POLQ: variants seen among roughly 807,000 people sequenced by gnomAD.
POLQ encodes the protein epididymis secretory sperm binding protein.
Under a neutral mutation model 259.2 loss-of-function variants are expected in POLQ, and 233 were observed. The ratio of observed to expected loss-of-function variants is 0.90; its 90% CI spans 0.81 to 1.00. The LOEUF (loss-of-function observed/expected upper bound fraction) is 1.00. Among genes scored for constraint, POLQ ranks in the 50% least tolerant of loss-of-function variants. POLQ has a pLI of 0.00. For synonymous variants in POLQ, 1,025 were observed against 1,048.8 expected (o/e 0.98, Z 0.44); for missense variants, 2,871 against 3,051.6 (o/e 0.94, Z 1.39).
intron 25 of POLQ, among the ~76,000 whole-genome samples, chr3:121,454,159 A>C (rs1356248999): frequency 6.6e-6 from 1 of 152,218 alleles, no homozygotes; most frequent in African/African-American, 2.4e-5. Flanking sequence ...GAGAAATACA[A>C]TCCTTAACAG....
At chr3:121,468,481 T>G in intron 22 of POLQ, 50 bp from the exon 23 acceptor site, 1 of 1,402,302 alleles carries the variant, frequency 7.1e-7, no homozygotes, top group Non-Finnish European at 1.0e-6. Flanking sequence ...AAATCTAGTA[T>G]TTGTCTTAAC....
intron 28 of POLQ, among the ~76,000 whole-genome samples, chr3:121,435,619 C>T (rs1407042086): frequency 6.6e-6 from 1 of 152,198 alleles, no homozygotes; most frequent in Non-Finnish European, 1.5e-5. Flanking sequence ...CTGGGAAACT[C>T]ATCCGTCTCC....
chr3:121,517,574 G>C (rs1385008415), intron 9 of POLQ, among the ~76,000 whole-genome samples: 7 of 152,144 alleles, frequency 4.6e-5, no homozygotes, highest in Non-Finnish European at 8.8e-5. Flanking sequence ...TATAGTTGGG[G>C]AATGTAATCA....
Position 121,489,045 on chromosome 3 carries a change from C to A in POLQ, c.3886G>T (p.Gly1296Cys), listed in dbSNP as rs369928930. 8 of 1,613,104 alleles carry A rather than the reference C, an allele frequency of 5.0e-6. No homozygotes were observed. In the African/African-American group the frequency reaches 6.7e-5, roughly 13 times the overall value. Residue 1296 changes from glycine (G) to cysteine (C), a missense_variant, in exon 16 of 30, where the codon GGT becomes TGT. Coordinates refer to ENST00000264233, the MANE Select transcript of POLQ (RefSeq NM_199420.4). ...LNISRLQEKT[G>C]TYTTNKTKNN... ...TTAGTTTTGTTTGTTGTATAAGTAC[C>A]TGTTTTTTCTTGTAGTCTAGAAATA... is the stretch of plus-strand genomic sequence containing the variant.
Position 121,467,632 on chromosome 3 carries a change from T to A in POLQ, c.6854A>T (p.Tyr2285Phe). The A allele has an allele frequency of 6.2e-7, 1 of 1,613,862 alleles. No individual in the cohort carries two copies. Among genetic ancestry groups the A allele is most frequent in the Non-Finnish European group, 8.5e-7 (1 of 1,179,798 alleles). Residue 2285 changes from tyrosine (Y) to phenylalanine (F), a missense_variant, in exon 24 of 30, where the codon TAT becomes TTT. Coordinates refer to ENST00000264233, the MANE Select transcript of POLQ (RefSeq NM_199420.4). ...KGLLPMGRGK[Y>F]KKGFSVNPRC... ...AGGATTCACGCTGAAACCCTTCTTA[T>A]ATTTTCCTCTGTGGTGCAAACAACA...
rs202208299 is a variant in POLQ, at chr3:121,487,582, G to A, written c.5349C>T (p.His1783=). 31 of 1,613,894 alleles carry A rather than the reference G, an allele frequency of 1.9e-5. No homozygotes were observed. The Middle Eastern group carries it at 4.9e-4, about 26-fold the overall frequency. ...CATTTCTACTCCCTGGACTTAAATC[G>A]TGGTTTTTAATATCTGAAGGTGAGC... ...LFGSPSDIKN[H]DLSPGSRNGF... The change falls in exon 16 of 30, where the codon CAC becomes CAT. Residue 1783 remains histidine, a synonymous_variant. Coordinates refer to ENST00000264233, the MANE Select transcript of POLQ (RefSeq NM_199420.4).
intron 2 of POLQ, among the ~76,000 whole-genome samples, chr3:121,543,917 A>G (rs2048508989): frequency 6.6e-6 from 1 of 151,674 alleles, no homozygotes; most frequent in South Asian, 2.1e-4. Flanking sequence ...CGGGAGGCAG[A>G]GGGTGCCGTG....
intron 14 of POLQ, chr3:121,495,015 T>A: frequency 1.7e-6 from 1 of 578,826 alleles, no homozygotes; most frequent in Non-Finnish European, 2.9e-6. Flanking sequence ...CTCACGCCTG[T>A]AATCCCAGCA....
At chr3:121,535,863 A>G (rs2048446859) in intron 5 of POLQ, among the ~76,000 whole-genome samples, 3 of 152,214 alleles carry the variant, frequency 2.0e-5, no homozygotes, top group Admixed American at 6.5e-5. Context: ...CAAGACAGAC[A>G]TATGGTCAAA....
intron 11 of POLQ, 142 bp from the exon 12 acceptor site, chr3:121,509,845 A>G (rs1285536055): frequency 2.2e-6 from 2 of 898,040 alleles, no homozygotes; most frequent in South Asian, 1.7e-5. Context: ...ATGAAAATGT[A>G]TGAGCAGGCT....
intron 28 of POLQ, among the ~76,000 whole-genome samples, chr3:121,433,499 T>C (rs1483744831): frequency 6.6e-6 from 1 of 152,132 alleles, no homozygotes; most frequent in African/African-American, 2.4e-5. Context: ...AACTGGTGCT[T>C]CCCCAATTGA....
intron 8 of POLQ, among the ~76,000 whole-genome samples, chr3:121,520,576 A>G (rs980543733): frequency 6.6e-6 from 1 of 152,158 alleles, no homozygotes; most frequent in Non-Finnish European, 1.5e-5. Context: ...TGCCTCTAGT[A>G]TACCTCTACC....
At chr3:121,452,416 G>GC (rs1403293305) in intron 25 of POLQ, among the ~76,000 whole-genome samples, 3 of 151,894 alleles carry the variant, frequency 2.0e-5, no homozygotes, top group African/African-American at 7.3e-5. Context: ...TCTTGGAACT[G>GC]CCCCCCACCG....
In POLQ at chr3:121,498,530, T is replaced by C. The variant is rs760503538; in HGVS notation, c.2100A>G (p.Gly700=). 6.2e-7 allele frequency: 1 copy of C among 1,614,118 alleles called. No individual in the cohort carries two copies. The highest frequency in any genetic ancestry group is 8.5e-7 in the Non-Finnish European group (1 of 1,180,010). Reference sequence around the variant, plus strand: ...GTCTCTCAGTTCTGGCTACTACTTTTCCTTTCACACAACGGGCCAAGAACC... The same window carrying C: ...GTCTCTCAGTTCTGGCTACTACTTTCCCTTTCACACAACGGGCCAAGAACC... ...EEGFLARCVK[G]KVVARTERQH... The change falls in exon 13 of 30, where the codon GGA becomes GGG. Residue 700 remains glycine, a synonymous_variant. Coordinates refer to ENST00000264233, the MANE Select transcript of POLQ (RefSeq NM_199420.4).
chr3:121,536,956 C>G, intron 5 of POLQ, 144 bp downstream of exon 5: 1 of 593,238 alleles, frequency 1.7e-6, no homozygotes, highest in South Asian at 2.3e-5. Context: ...ACTTCTGGAA[C>G]AAAAACAAAC....
chr3:121,502,542 A>G (rs2048179631), intron 12 of POLQ, among the ~76,000 whole-genome samples: 1 of 152,196 alleles, frequency 6.6e-6, no homozygotes, highest in African/African-American at 2.4e-5. Context: ...CATAACATAT[A>G]AAATTCACAA....
At position 121,451,454 on chromosome 3, in the gene POLQ, A is replaced by G. The variant is rs145729033; in HGVS notation, c.7153-2028T>C. The stretch of plus-strand genomic sequence containing the variant: ...TTGGTCTTTGATGATGGTGACGTAC[A>G]GATGGGGTTTTGGTGTGGATGTCCT... On this transcript the variant is annotated intron_variant, in intron 25 of 29. Coordinates refer to ENST00000264233, the MANE Select transcript of POLQ (RefSeq NM_199420.4). Among the ~76,000 whole-genome samples, 502 of 152,348 alleles carry G rather than the reference A, an allele frequency of 3.3e-3. 5 individuals are homozygous for G. The highest frequency in any genetic ancestry group is 0.011 in the African/African-American group (477 of 41,572).
chr3:121,495,976 C>A (rs910915035), intron 14 of POLQ, among the ~76,000 whole-genome samples: 3 of 151,850 alleles, frequency 2.0e-5, no homozygotes, highest in Admixed American at 2.0e-4. Flanking sequence ...ATATAACACA[C>A]CCTCTTGTAG....
At chr3:121,467,385 G>T (rs2047847019) in intron 24 of POLQ, 134 bp downstream of exon 24, 3 of 804,680 alleles carry the variant, frequency 3.7e-6, no homozygotes, top group Admixed American at 2.8e-5. Context: ...AAGGAGAAAG[G>T]CAGGCTCCAC....
Sources: allele counts gnomAD v4.1 joint callset (sites outside exome capture counted in the v4.1 genomes callset), GRCh38; gene constraint gnomAD v4.1.1; transcripts MANE v1.5; gene names NCBI Gene and HGNC (gene_info 2026-07-23, HGNC 2026-07-21).